Variants in BARX2 observed in about 807,000 individuals in gnomAD.
The protein encoded by BARX2 is homeobox protein BarH-like 2.
Under a neutral mutation model 25.5 loss-of-function variants are expected in BARX2, and 11 were observed. That is an observed-to-expected ratio of 0.43 (90% CI 0.27 to 0.71). The LOEUF (loss-of-function observed/expected upper bound fraction) is 0.71. Ranked by LOEUF, BARX2 falls within the 30% of genes least tolerant of loss-of-function variation. The probability of loss-of-function intolerance (pLI) is 0.19; values close to 1 mark genes in which losing one functional copy is unlikely to be tolerated. For synonymous variants in BARX2, 137 were observed against 149.5 expected (o/e 0.92, Z 0.61); for missense variants, 360 against 359.9 (o/e 1.00, Z 0.00).
chr11:129,415,449 C>T (rs960794978), intron 1 of BARX2, among the ~76,000 whole-genome samples: 1 of 150,550 alleles, frequency 6.6e-6, no homozygotes, highest in Non-Finnish European at 1.5e-5. Context: ...AGCAAGTTTT[C>T]TTCATACAGT....
At chr11:129,405,670 G>A (rs545372619) in intron 1 of BARX2, among the ~76,000 whole-genome samples, 10 of 152,124 alleles carry the variant, frequency 6.6e-5, no homozygotes, top group South Asian at 2.1e-4. Flanking sequence ...TTAGGCTCTC[G>A]GGAGAACATA....
At chr11:129,438,441 T>C (rs964294286) in intron 2 of BARX2, 10 of 152,094 alleles carry the variant, frequency 6.6e-5, no homozygotes, top group African/African-American at 2.2e-4. Flanking sequence ...ATTTCTCAGG[T>C]CCTTCTTCCT....
rs146663523 is a variant in BARX2, at chr11:129,436,812, C to T, written c.249C>T (p.Ile83=). Residue 83 remains isoleucine, a synonymous_variant, in exon 2 of 4, where the codon ATC becomes ATT. Coordinates refer to ENST00000281437, the MANE Select transcript of BARX2 (RefSeq NM_003658.5). This position sits in a 1 kb window ranked among gnomAD's most constrained non-coding sequence, Gnocchi z 4.5. ...LSVITRQPTV[I]SHLVPATPGI... ...TGATCACCCGCCAGCCCACTGTCATCTCCCACCTGGTCCCTGCCACCCCGG... is the reference window on the plus strand; with the variant it reads ...TGATCACCCGCCAGCCCACTGTCATTTCCCACCTGGTCCCTGCCACCCCGG... The T allele has an allele frequency of 6.2e-6, 10 of 1,613,488 alleles. No individual in the cohort carries two copies. Among genetic ancestry groups the T allele is most frequent in the Non-Finnish European group, 6.8e-6 (8 of 1,179,756 alleles).
chr11:129,395,700 G>T (rs549176962), intron 1 of BARX2, among the ~76,000 whole-genome samples: 14 of 152,238 alleles, frequency 9.2e-5, no homozygotes, highest in African/African-American at 3.4e-4. Flanking sequence ...TTGCCTGGGG[G>T]TGGGTTTTGA....
At chr11:129,413,780 T>C (rs570657730) in intron 1 of BARX2, among the ~76,000 whole-genome samples, 3 of 152,024 alleles carry the variant, frequency 2.0e-5, no homozygotes, top group Non-Finnish European at 4.4e-5. Flanking sequence ...GAATGGACAG[T>C]AGGCCGGGCG....
chr11:129,445,120 T>C (rs573336222), intron 3 of BARX2, among the ~76,000 whole-genome samples: 47 of 152,330 alleles, frequency 3.1e-4, no homozygotes, highest in African/African-American at 9.9e-4. Context: ...CAAGCACACA[T>C]GGACACCTTT....
At chr11:129,418,682 C>T (rs1462930605) in intron 1 of BARX2, among the ~76,000 whole-genome samples, 1 of 152,104 alleles carries the variant, frequency 6.6e-6, no homozygotes. Context: ...ATCCTTTATA[C>T]TGCCTTTTTC....
Position 129,451,496 on chromosome 11 carries a change from T to TTTTCATG in BARX2, c.*94_*95insTTTCATG. On this transcript the variant is annotated 3_prime_UTR_variant, in exon 4 of 4. Transcript: ENST00000281437. ...GAGAGAAAACCTTCCAGCAGCCCAGTAAACTGCGGGCGAAGAGATCTACCC... is the reference window on the plus strand; with the variant it reads ...GAGAGAAAACCTTCCAGCAGCCCAGTTTTCATGAAACTGCGGGCGAAGAGATCTACCC... The TTTTCATG allele has an allele frequency of 7.1e-7, 1 of 1,415,186 alleles. No individual in the cohort carries two copies. Among genetic ancestry groups the TTTTCATG allele is most frequent in the Non-Finnish European group, 9.6e-7 (1 of 1,045,824 alleles). 87.7% of individuals were successfully genotyped at this position (1,415,186 alleles called of 1,614,324 possible).
chr11:129,451,428 G>A lies in BARX2; in HGVS notation c.*26G>A. ...AGTAAAACCCTTTTGAGGGAAGAGG[G>A]AGACTGGGGAGAAGGGAAAAGAGAG... On this transcript the variant is annotated 3_prime_UTR_variant, in exon 4 of 4. Coordinates refer to ENST00000281437, the MANE Select transcript of BARX2 (RefSeq NM_003658.5). The A allele has an allele frequency of 1.3e-6, 2 of 1,599,876 alleles. No individual in the cohort carries two copies. The highest frequency in any genetic ancestry group is 2.2e-5 in the South Asian group (2 of 89,996).
At chr11:129,410,513 G>A (rs749020933) in intron 1 of BARX2, among the ~76,000 whole-genome samples, 5 of 152,086 alleles carry the variant, frequency 3.3e-5, no homozygotes, top group Admixed American at 6.5e-5. Flanking sequence ...GACTTGGGCC[G>A]TCTCTTTATC....
intron 1 of BARX2, among the ~76,000 whole-genome samples, chr11:129,408,948 A>G (rs1017871781): frequency 6.6e-6 from 1 of 152,140 alleles, no homozygotes; most frequent in Non-Finnish European, 1.5e-5. Flanking sequence ...TTGAACTTGA[A>G]CCCTAAGAGA....
chr11:129,441,928 C>T (rs1459620948), intron 2 of BARX2, among the ~76,000 whole-genome samples: 2 of 152,096 alleles, frequency 1.3e-5, no homozygotes, highest in African/African-American at 4.8e-5. Flanking sequence ...TTAGCATGTA[C>T]CCTGGGATGC....
intron 1 of BARX2, among the ~76,000 whole-genome samples, chr11:129,435,539 C>T (rs1862178655): frequency 6.6e-6 from 1 of 152,190 alleles, no homozygotes; most frequent in South Asian, 2.1e-4. Flanking sequence ...CAGATGCTGG[C>T]TGTGGCCTTG....
At chr11:129,400,386 T>G (rs1390948126) in intron 1 of BARX2, among the ~76,000 whole-genome samples, 1 of 152,116 alleles carries the variant, frequency 6.6e-6, no homozygotes, top group East Asian at 1.9e-4. Flanking sequence ...GAAGATCTTC[T>G]GGATGAGAAA....
rs184023315 is a variant in BARX2 at position 129,423,178 on chromosome 11, G to A, written c.188-13573G>A. Among the ~76,000 whole-genome samples, 30 of 149,796 alleles carry A rather than the reference G, an allele frequency of 2.0e-4. No homozygotes were observed. In the East Asian group the frequency reaches 3.6e-3, roughly 18 times the overall value. ...GTCACCCAGGCTGGAGTGTAATGGCGTGATCTCAGCTCACTGCAACCTCCG... is the reference window on the plus strand; with the variant it reads ...GTCACCCAGGCTGGAGTGTAATGGCATGATCTCAGCTCACTGCAACCTCCG... On this transcript the variant is annotated intron_variant, in intron 1 of 3. Transcript: ENST00000281437.
intron 3 of BARX2, among the ~76,000 whole-genome samples, chr11:129,444,658 A>G (rs1376120799): frequency 6.6e-6 from 1 of 152,224 alleles, no homozygotes; most frequent in African/African-American, 2.4e-5. Context: ...TTATAAGCCC[A>G]TCGGAGTTCA....
intron 2 of BARX2, among the ~76,000 whole-genome samples, chr11:129,440,129 CCCT>C (rs1862239604): frequency 1.3e-5 from 2 of 152,192 alleles, no homozygotes; most frequent in South Asian, 2.1e-4. Context: ...ACAGCTCTCA[CCCT>C]CCTCCTCTGT....
chr11:129,436,601 G>A lies in BARX2; in HGVS notation c.188-150G>A. 2.3e-6 allele frequency: 2 copies of A among 857,288 alleles called. No individual in the cohort carries two copies. The highest frequency in any genetic ancestry group is 2.5e-5 in the East Asian group (1 of 40,034). 53.1% of individuals were successfully genotyped at this position (857,288 alleles called of 1,614,324 possible). A position where few individuals can be genotyped will look rare whatever the true frequency, so the allele number is the denominator to read the frequency against. On this transcript the variant is annotated intron_variant, in intron 1 of 3. Transcript: ENST00000281437. The surrounding 1 kb of genome is among the most constrained non-coding windows in gnomAD (Gnocchi z 4.5). ...CCTGCCCTGCAGCTGTAGGTCTTGA[G>A]TTACCTCTCCTTCCCCTTCCTCCAT...
intron 1 of BARX2, among the ~76,000 whole-genome samples, chr11:129,388,989 T>A (rs1444842607): frequency 6.6e-6 from 1 of 152,216 alleles, no homozygotes; most frequent in Non-Finnish European, 1.5e-5. Flanking sequence ...ATAATAGGGT[T>A]AGTTGTGGAG....
Sources: gnomAD v4.1 joint callset for allele counts (sites outside exome capture counted in the v4.1 genomes callset) on GRCh38, gnomAD v4.1.1 for gene constraint, Gnocchi (gnomAD v3.1) non-coding constraint, MANE v1.5 for transcripts, NCBI Gene and HGNC (gene_info 2026-07-23, HGNC 2026-07-21) for gene names.